Variants in CDH12 observed in about 807,000 individuals in gnomAD.
CDH12 encodes the protein cadherin-12.
A neutral mutation model predicts 74.1 loss-of-function variants in CDH12; 41 were observed. The ratio of observed to expected loss-of-function variants is 0.55; its 90% CI spans 0.43 to 0.72. The LOEUF (loss-of-function observed/expected upper bound fraction) is 0.72, where lower values mean the gene tolerates loss of function less well. Among genes scored for constraint, CDH12 ranks in the 30% least tolerant of loss-of-function variants. CDH12 has a pLI of 0.00. For synonymous variants in CDH12, 399 were observed against 355.0 expected, an observed-to-expected ratio of 1.12 and a Z score of -1.39; for missense variants, 945 against 977.2, an observed-to-expected ratio of 0.97 and a Z score of 0.44.
chr5:21,806,971 A>G (rs944263165), intron 9 of CDH12, among the ~76,000 whole-genome samples: 1 of 152,218 alleles, frequency 6.6e-6, no homozygotes. Flanking sequence ...GATTAGGATT[A>G]TGATAGTGGC....
chr5:22,271,458 C>T (rs1324235948), intron 3 of CDH12, among the ~76,000 whole-genome samples: 1 of 152,170 alleles, frequency 6.6e-6, no homozygotes, highest in African/African-American at 2.4e-5. Context: ...GAATTGACAT[C>T]TTCCACACTG....
rs532611195 is a variant in CDH12 at position 22,142,853 on chromosome 5, G to A, written c.-186-63991C>T. 3 of 254,508 alleles carry A rather than the reference G, an allele frequency of 1.2e-5. No homozygotes were observed. In the East Asian group the frequency reaches 3.2e-4, roughly 27 times the overall value. The allele number at this position is 254,508 out of a possible 1,614,324, so 15.8% of individuals were successfully genotyped here. On this transcript the variant is annotated intron_variant, in intron 4 of 14. Coordinates refer to ENST00000382254, the MANE Select transcript of CDH12 (RefSeq NM_004061.5). ...CAATTTAAACTTTCTTCTTCCTTCA[G>A]CACTCAGCTGTATGCTGGGAAGAGT... is the stretch of plus-strand genomic sequence containing the variant.
intron 7 of CDH12, 136 bp downstream of exon 7, chr5:21,854,535 C>T (rs1750647856): frequency 3.7e-6 from 2 of 540,046 alleles, no homozygotes; most frequent in Non-Finnish European, 6.3e-6. Context: ...GGAAAGATCC[C>T]ATCTTCTTTG....
chr5:22,369,494 A>G (rs1195622356), intron 3 of CDH12, among the ~76,000 whole-genome samples: 1 of 152,212 alleles, frequency 6.6e-6, no homozygotes, highest in Non-Finnish European at 1.5e-5. Flanking sequence ...TCTTAAAAAA[A>G]TACATACAAA....
chr5:21,828,589 C>G (rs1014423548), intron 8 of CDH12, among the ~76,000 whole-genome samples: 2 of 152,142 alleles, frequency 1.3e-5, no homozygotes, highest in Non-Finnish European at 2.9e-5. Context: ...CTAATTCTTT[C>G]ATAACAACCC....
chr5:22,656,290 G>C (rs886745366), intron 1 of CDH12, among the ~76,000 whole-genome samples: 9 of 152,316 alleles, frequency 5.9e-5, no homozygotes, highest in African/African-American at 2.2e-4. Flanking sequence ...AGGCAAGAAA[G>C]CTGGTTCAGA....
chr5:22,001,644 C>T (rs2150144350), intron 5 of CDH12, among the ~76,000 whole-genome samples: 1 of 152,154 alleles, frequency 6.6e-6, no homozygotes, highest in South Asian at 2.1e-4. Context: ...TCCTCCTTCC[C>T]TCTGCCCTCG....
chr5:22,773,770 C>A (rs1176794253), intron 1 of CDH12, among the ~76,000 whole-genome samples: 6 of 152,078 alleles, frequency 3.9e-5, no homozygotes, highest in Non-Finnish European at 8.8e-5. Context: ...TATCCAGAAT[C>A]TATAAGGAAT....
At chr5:22,325,775 G>A (rs910372585) in intron 3 of CDH12, among the ~76,000 whole-genome samples, 1 of 152,094 alleles carries the variant, frequency 6.6e-6, no homozygotes, top group Non-Finnish European at 1.5e-5. Context: ...GGGCGTGGTA[G>A]CGGTCATCTG....
chr5:22,069,708 T>C (rs1741811258), intron 5 of CDH12, among the ~76,000 whole-genome samples: 1 of 152,068 alleles, frequency 6.6e-6, no homozygotes, highest in Non-Finnish European at 1.5e-5. Context: ...CTGTCTGGGG[T>C]GATTCATCTT....
At chr5:21,810,250 T>C (rs557561725) in intron 9 of CDH12, among the ~76,000 whole-genome samples, 1 of 152,230 alleles carries the variant, frequency 6.6e-6, no homozygotes, top group South Asian at 2.1e-4. Flanking sequence ...ATTTCTTTCA[T>C]TCCCCCATGA....
intron 4 of CDH12, among the ~76,000 whole-genome samples, chr5:22,157,891 A>G (rs1748122504): frequency 6.6e-6 from 1 of 152,096 alleles, no homozygotes; most frequent in Admixed American, 6.6e-5. Flanking sequence ...CATGAAGTCT[A>G]AATCCACTTT....
intron 11 of CDH12, among the ~76,000 whole-genome samples, chr5:21,767,425 T>A (rs1163804417): frequency 6.6e-6 from 1 of 151,836 alleles, no homozygotes; most frequent in East Asian, 1.9e-4. Flanking sequence ...GATTCTAATA[T>A]CTGTTATGAG....
chr5:22,117,113 G>A (rs1025740745), intron 4 of CDH12, among the ~76,000 whole-genome samples: 2 of 151,498 alleles, frequency 1.3e-5, no homozygotes, highest in African/African-American at 4.8e-5. Context: ...AAGTTAGGTA[G>A]CTTTTCTGGG....
At chr5:22,040,971 T>A (rs1739532528) in intron 5 of CDH12, among the ~76,000 whole-genome samples, 1 of 152,066 alleles carries the variant, frequency 6.6e-6, no homozygotes, top group South Asian at 2.1e-4. Context: ...ACTATTATGA[T>A]TAAAAGTCAG....
At chr5:22,549,041 G>A (rs528147484) in intron 1 of CDH12, among the ~76,000 whole-genome samples, 1 of 152,194 alleles carries the variant, frequency 6.6e-6, no homozygotes, top group Non-Finnish European at 1.5e-5. Context: ...CCGGCCTCAA[G>A]GGATCCTTCC....
intron 2 of CDH12, among the ~76,000 whole-genome samples, chr5:22,487,885 TAAC>T (rs1205960055): frequency 6.6e-6 from 1 of 152,222 alleles, no homozygotes; most frequent in Non-Finnish European, 1.5e-5. Context: ...ATTTAACTTT[TAAC>T]AACATTATGT....
chr5:21,775,119 A>AT (rs1745517388), intron 11 of CDH12, among the ~76,000 whole-genome samples: 2 of 152,190 alleles, frequency 1.3e-5, no homozygotes, highest in Non-Finnish European at 2.9e-5. Flanking sequence ...AGAGAAGATA[A>AT]AGGCCAAACC....
rs180701561 is a variant in CDH12, at chr5:22,164,469, C to T, written c.-187+48029G>A. ...CTGGATCCTGAGGGATGGAAGTCAG[C>T]GGAGGGTCTGTGACGGCGGCAAAAC... On this transcript the variant is annotated intron_variant, in intron 4 of 14. Transcript: ENST00000382254. Among the ~76,000 whole-genome samples, 799 of 152,220 alleles carry T rather than the reference C, an allele frequency of 5.2e-3. 4 individuals are homozygous for T. Among genetic ancestry groups the T allele is most frequent in the Non-Finnish European group, 9.0e-3 (615 of 68,018 alleles).
Sources: allele counts gnomAD v4.1 joint callset (sites outside exome capture counted in the v4.1 genomes callset), GRCh38; gene constraint gnomAD v4.1.1; transcripts MANE v1.5; gene names NCBI Gene and HGNC (gene_info 2026-07-23, HGNC 2026-07-21).